TNNI3K: variants seen among roughly 807,000 people sequenced by gnomAD.
The protein encoded by TNNI3K is serine/threonine-protein kinase TNNI3K.
TNNI3K carries 140 observed loss-of-function variants against 114.5 expected under a neutral mutation model. The ratio of observed to expected loss-of-function variants is 1.22; its 90% CI spans 1.07 to 1.41. The LOEUF (loss-of-function observed/expected upper bound fraction) is 1.41. TNNI3K is among the 40% of genes most tolerant of loss of function. The pLI, the probability that TNNI3K is intolerant of heterozygous loss-of-function variation, is 0.00. For missense variants in TNNI3K, 1,125 were observed against 1,007.6 expected (o/e 1.12, Z -1.58); for synonymous variants, 347 against 347.5 (o/e 1.00, Z 0.02).
At chr1:74,240,886 C>T (rs1331517257) in intron 2 of TNNI3K, 1 of 151,724 alleles carries the variant, frequency 6.6e-6, no homozygotes, top group African/African-American at 2.4e-5. Flanking sequence ...CACCCATTAA[C>T]TCGTCATTTA....
intron 5 of TNNI3K, among the ~76,000 whole-genome samples, chr1:74,286,783 A>C (rs555958234): frequency 6.6e-6 from 1 of 152,254 alleles, no homozygotes; most frequent in South Asian, 2.1e-4. Flanking sequence ...AGACTGGAAG[A>C]AGTGTCTACT....
At chr1:74,392,924 C>T (rs1320759300) in intron 17 of TNNI3K, among the ~76,000 whole-genome samples, 1 of 152,176 alleles carries the variant, frequency 6.6e-6, no homozygotes, top group Non-Finnish European at 1.5e-5. Context: ...GTTTTTGCAT[C>T]TAGAGTTTCT....
intron 18 of TNNI3K, 44 bp downstream of exon 18, chr1:74,436,176 C>T: frequency 6.2e-7 from 1 of 1,602,928 alleles, no homozygotes; most frequent in African/African-American, 1.4e-5. Context: ...TTGTTCCTAG[C>T]TGGTACAATA....
chr1:74,320,046 T>C (rs941999319), intron 5 of TNNI3K, among the ~76,000 whole-genome samples: 3 of 152,210 alleles, frequency 2.0e-5, no homozygotes, highest in African/African-American at 4.8e-5. Flanking sequence ...TCTGCAATTA[T>C]ATCTTGTTCA....
At chr1:74,530,276 A>T (rs1313996848) in intron 23 of TNNI3K, among the ~76,000 whole-genome samples, 1 of 152,246 alleles carries the variant, frequency 6.6e-6, no homozygotes, top group Non-Finnish European at 1.5e-5. Flanking sequence ...ATATAGCCAT[A>T]ACTTTGAGAA....
At position 74,331,403 on chromosome 1, in the gene TNNI3K, CA is replaced by C. The variant is rs1383095842; in HGVS notation, c.445-46del. 7 of 1,577,576 alleles carry C rather than the reference CA, an allele frequency of 4.4e-6. No individual in the cohort carries two copies. In the African/African-American group the frequency reaches 9.4e-5, roughly 21 times the overall value. Reference sequence around the variant, plus strand: ...TGGTTGTAAACTGAATCTTAATAGGCAGATAACTCAACTGAAGTTCTTAACC... The same window carrying C: ...TGGTTGTAAACTGAATCTTAATAGGCGATAACTCAACTGAAGTTCTTAACC... On this transcript the variant is annotated intron_variant, in intron 5 of 24. Transcript: ENST00000326637.
chr1:74,470,697 G>T, intron 21 of TNNI3K: 1 of 400,356 alleles, frequency 2.5e-6, no homozygotes, highest in Admixed American at 4.4e-5. Context: ...GTGATATTTG[G>T]GGTTTTGTCA....
At chr1:74,453,304 T>C (rs1476756862) in intron 20 of TNNI3K, among the ~76,000 whole-genome samples, 1 of 152,210 alleles carries the variant, frequency 6.6e-6, no homozygotes, top group African/African-American at 2.4e-5. Context: ...TTGTTTATGA[T>C]AGATGCTGAA....
At chr1:74,358,550 G>C (rs910447579) in intron 11 of TNNI3K, among the ~76,000 whole-genome samples, 1 of 151,990 alleles carries the variant, frequency 6.6e-6, no homozygotes, top group African/African-American at 2.4e-5. Context: ...AGAAGAGATA[G>C]ATTCATTAAA....
intron 17 of TNNI3K, among the ~76,000 whole-genome samples, chr1:74,426,514 T>C (rs752175263): frequency 2.0e-5 from 3 of 152,000 alleles, no homozygotes; most frequent in Non-Finnish European, 4.4e-5. Flanking sequence ...CATGTACACC[T>C]ACGCCAGGGT....
At chr1:74,332,956 C>CA (rs796977281) in intron 6 of TNNI3K, among the ~76,000 whole-genome samples, 23 of 92,704 alleles carry the variant, frequency 2.5e-4, no homozygotes, top group East Asian at 1.1e-3. Flanking sequence ...CTGAAAATAA[C>CA]AAAAAAAAAA....
At chr1:74,469,860 T>G in intron 21 of TNNI3K, 1 of 400,524 alleles carries the variant, frequency 2.5e-6, no homozygotes, top group Non-Finnish European at 4.4e-6. Context: ...GATTATTATT[T>G]GAGTTATTTT....
At position 74,467,441 on chromosome 1, in the gene TNNI3K, G is replaced by C. The variant is rs144234447; in HGVS notation, c.2121+3891G>C. On this transcript the variant is annotated intron_variant, in intron 21 of 24. Transcript: ENST00000326637. ...AAAACTCATAAACTAGAACATTGAG[G>C]AGAGTAAGAAGAATAGTCTATTGAA... Among the ~76,000 whole-genome samples, 6 of 151,906 alleles carry C rather than the reference G, an allele frequency of 3.9e-5. No homozygotes were observed. The East Asian group carries it at 1.2e-3, about 29-fold the overall frequency.
chr1:74,481,325 T>G (rs944846942), intron 21 of TNNI3K, among the ~76,000 whole-genome samples: 1 of 152,192 alleles, frequency 6.6e-6, no homozygotes, highest in Non-Finnish European at 1.5e-5. Flanking sequence ...TGACCTGATC[T>G]AGCCCTGCAG....
intron 23 of TNNI3K, among the ~76,000 whole-genome samples, chr1:74,493,786 G>A (rs950883809): frequency 2.0e-4 from 30 of 152,134 alleles, no homozygotes; most frequent in Non-Finnish European, 4.4e-4. Flanking sequence ...AACTCAAGAG[G>A]ACAAGCCCAA....
intron 24 of TNNI3K, among the ~76,000 whole-genome samples, chr1:74,542,045 T>A (rs1023177421): frequency 6.6e-6 from 1 of 152,224 alleles, no homozygotes; most frequent in Admixed American, 6.5e-5. Context: ...GTTCAGTCTT[T>A]TCCTAAAACC....
chr1:74,457,220 A>G (rs1667264359), intron 20 of TNNI3K, among the ~76,000 whole-genome samples: 1 of 152,200 alleles, frequency 6.6e-6, no homozygotes, highest in Admixed American at 6.5e-5. Context: ...TGGAAAGATT[A>G]AATCAGTCCA....
intron 6 of TNNI3K, among the ~76,000 whole-genome samples, chr1:74,334,895 C>T (rs961082249): frequency 6.6e-5 from 10 of 152,106 alleles, no homozygotes; most frequent in African/African-American, 2.2e-4. Flanking sequence ...AAGTGAAGAC[C>T]TACATTATGA....
chr1:74,255,626 T>C (rs1214193749), intron 4 of TNNI3K, among the ~76,000 whole-genome samples: 1 of 152,208 alleles, frequency 6.6e-6, no homozygotes, highest in Non-Finnish European at 1.5e-5. Flanking sequence ...TCACAGTGTT[T>C]AGTTTTATTG....
Sources: allele counts gnomAD v4.1 joint callset (sites outside exome capture counted in the v4.1 genomes callset), GRCh38; gene constraint gnomAD v4.1.1; transcripts MANE v1.5; gene names NCBI Gene and HGNC (gene_info 2026-07-23, HGNC 2026-07-21).